NEK3: variants seen among roughly 807,000 people sequenced by gnomAD.
NEK3 encodes serine/threonine-protein kinase Nek3.
A neutral mutation model predicts 66.0 loss-of-function variants in NEK3; 54 were observed. That is an observed-to-expected ratio of 0.82 (90% confidence interval 0.66 to 1.03). The LOEUF is 1.03. Among genes scored for constraint, NEK3 ranks in the 50% least tolerant of loss-of-function variants. The pLI, the probability that NEK3 is intolerant of heterozygous loss-of-function variation, is 0.00. For missense variants in NEK3, 593 were observed against 603.0 expected (o/e 0.98, Z 0.17); for synonymous variants, 200 against 206.2 (o/e 0.97, Z 0.26).
chr13:52,140,131 C>A (rs898726573), intron 11 of NEK3, among the ~76,000 whole-genome samples: 2 of 144,258 alleles, frequency 1.4e-5, no homozygotes, highest in African/African-American at 5.1e-5. Flanking sequence ...GGGAGGATCA[C>A]TTGAGCCCAG....
intron 8 of NEK3, chr13:52,148,023 A>G (rs1956308651): frequency 6.4e-6 from 1 of 156,956 alleles, no homozygotes; most frequent in Non-Finnish European, 1.4e-5. Flanking sequence ...AAACAAAACA[A>G]AAAACCCCCA....
chr13:52,136,334 A>G (rs1354035100), intron 12 of NEK3, 75 bp from the exon 13 acceptor site: 1 of 1,391,446 alleles, frequency 7.2e-7, no homozygotes, highest in Non-Finnish European at 9.9e-7. Context: ...CATAGACTCT[A>G]ACAAATATGG....
At chr13:52,133,318 T>A in intron 15 of NEK3, 92 bp from the exon 16 acceptor site, 1 of 1,050,714 alleles carries the variant, frequency 9.5e-7, no homozygotes, top group Non-Finnish European at 1.4e-6. Context: ...TAACAATACT[T>A]AAGCTTTTGA....
chr13:52,135,087 TATTATA>T (rs1320153814), intron 14 of NEK3, among the ~76,000 whole-genome samples: 1 of 152,178 alleles, frequency 6.6e-6, no homozygotes, highest in Admixed American at 6.5e-5. Flanking sequence ...GTAATTAAAT[TATTATA>T]ATTATAATAC....
chr13:52,152,547 C>G, intron 5 of NEK3, 62 bp downstream of exon 5: 1 of 1,010,140 alleles, frequency 9.9e-7, no homozygotes. Context: ...CATGGCATAA[C>G]ACAGTAAAAT....
chr13:52,135,927 G>C, intron 13 of NEK3, 64 bp from the exon 14 acceptor site: 1 of 1,552,322 alleles, frequency 6.4e-7, no homozygotes, highest in Admixed American at 1.9e-5. Context: ...GTACTTTCCA[G>C]ATCATATTTT....
intron 11 of NEK3, 99 bp from the exon 12 acceptor site, chr13:52,137,001 T>C (rs2138190337): frequency 1.4e-6 from 1 of 723,936 alleles, no homozygotes; most frequent in Middle Eastern, 2.7e-4. Context: ...CAAATAAAAA[T>C]TAATGGATTA....
intron 1 of NEK3, among the ~76,000 whole-genome samples, chr13:52,158,236 CAAAGCAAAAATCAAACTA>C (rs1956411599): frequency 6.6e-6 from 1 of 152,100 alleles, no homozygotes; most frequent in African/African-American, 2.4e-5. Context: ...GCATGACAGG[CAAAGCAAAAATCAAACTA>C]AAACCTCTAC....
intron 15 of NEK3, among the ~76,000 whole-genome samples, 192 bp from the exon 16 acceptor site, chr13:52,133,418 T>C (rs1956171875): frequency 6.6e-6 from 1 of 152,110 alleles, no homozygotes; most frequent in African/African-American, 2.4e-5. Flanking sequence ...CTTTTAAAAA[T>C]ATAAATCCTA....
At chr13:52,156,685 A>G (rs1424662211) in intron 1 of NEK3, 1 of 152,662 alleles carries the variant, frequency 6.6e-6, no homozygotes, top group Non-Finnish European at 1.5e-5. Context: ...TTGTCTAGTT[A>G]CTTCTCTATA....
intron 11 of NEK3, among the ~76,000 whole-genome samples, chr13:52,140,252 T>C (rs1238795597): frequency 2.0e-5 from 3 of 147,098 alleles, no homozygotes; most frequent in African/African-American, 7.5e-5. Context: ...TAACACAAGA[T>C]TTTCATGACT....
At position 52,133,125 on chromosome 13, in the gene NEK3, G is replaced by A; in HGVS notation, c.*17C>T. 1 of 1,599,666 alleles carries A rather than the reference G, an allele frequency of 6.3e-7. No homozygotes were observed. ...GAAGCCTCTCCTCAGCGTGACTCAG[G>A]AACATTTCCTCAGGCATTATCTGTC... On this transcript the variant is annotated 3_prime_UTR_variant, in exon 16 of 16. Transcript: ENST00000610828.
intron 7 of NEK3, among the ~76,000 whole-genome samples, chr13:52,148,717 T>C (rs1956314654): frequency 6.6e-6 from 1 of 152,110 alleles, no homozygotes; most frequent in South Asian, 2.1e-4. Context: ...GGGAATTCAG[T>C]AGCAAGAGGG....
At chr13:52,157,516 T>A (rs754195763) in intron 1 of NEK3, 5 of 152,260 alleles carry the variant, frequency 3.3e-5, no homozygotes, top group Non-Finnish European at 7.3e-5. Context: ...GTTTGTGTGA[T>A]TTTTCTGGAA....
intron 8 of NEK3, chr13:52,148,203 TTA>T (rs1375692646): frequency 2.9e-5 from 12 of 407,374 alleles, no homozygotes; most frequent in Admixed American, 1.2e-4. Context: ...GAGAGAAAGG[TTA>T]TGTATTGCAC....
rs1484234991 is a variant in NEK3, at chr13:52,133,178, C to T, written c.1485G>A (p.Lys495=). 1.2e-6 allele frequency: 2 copies of T among 1,611,188 alleles called. No homozygotes were observed. Among genetic ancestry groups the T allele is most frequent in the Non-Finnish European group, 8.5e-7 (1 of 1,178,928 alleles). The change falls in exon 16 of 16, where the codon AAG becomes AAA. Residue 495 remains lysine, a synonymous_variant. Coordinates refer to ENST00000610828, the MANE Select transcript of NEK3 (RefSeq NM_002498.3). ...ACAGGCCTTGCCATCCAGCTCGCTT[C>T]TTCAGCTCTGACACCCAGTCGGGGT... is the stretch of plus-strand genomic sequence containing the variant. The part of the protein sequence containing the change: ...DDNPDWVSEL[K]KRAGWQGLCD...
chr13:52,153,868 G>C, intron 4 of NEK3, 27 bp downstream of exon 4: 1 of 1,513,840 alleles, frequency 6.6e-7, no homozygotes, highest in Non-Finnish European at 9.2e-7. Context: ...TAAACCTTGA[G>C]AGAAACTATG....
rs1228668280 is a variant in NEK3 at position 52,144,692 on chromosome 13, T to G, written c.803A>C (p.Glu268Ala). The change falls in exon 9 of 16, where the codon GAG becomes GCG. Residue 268 changes from glutamate to alanine, a missense_variant and splice_region_variant. By Grantham distance (107) the Glu-to-Ala change is moderately radical (BLOSUM62 -1). Coordinates refer to ENST00000610828, the MANE Select transcript of NEK3 (RefSeq NM_002498.3). ...ARLVQKCLPP[E>A]IIMEYGEEVL... is the part of the protein sequence containing the mutation. ...CAACCAATCCAACACAGATCATACC[T>G]CGGGGGGTAAGCACTTCTGGACAAG... 1 of 1,613,562 alleles carries G rather than the reference T, an allele frequency of 6.2e-7. No homozygotes were observed. The highest frequency in any genetic ancestry group is 1.7e-5 in the Admixed American group (1 of 59,992).
chr13:52,133,028 T>G lies in NEK3; in HGVS notation c.*114A>C, dbSNP rs1956166531. 1.2e-6 allele frequency: 1 copy of G among 829,036 alleles called. No individual in the cohort carries two copies. The highest frequency in any genetic ancestry group is 2.0e-6 in the Non-Finnish European group (1 of 511,478). The allele number at this position is 829,036 out of a possible 1,614,324, so 51.4% of individuals were successfully genotyped here. ...GATTTTAAGTATTAAGAGTTTCCTC[T>G]GCTTCATTCTGTTTCCAAAGGAAAA... On this transcript the variant is annotated 3_prime_UTR_variant, in exon 16 of 16. Coordinates refer to ENST00000610828, the MANE Select transcript of NEK3 (RefSeq NM_002498.3).
Sources: allele counts gnomAD v4.1 joint callset (sites outside exome capture counted in the v4.1 genomes callset), GRCh38; gene constraint gnomAD v4.1.1; transcripts MANE v1.5; gene names NCBI Gene and HGNC (gene_info 2026-07-23, HGNC 2026-07-21).